NCK2: variants seen among roughly 807,000 people sequenced by gnomAD.
NCK2 encodes cytoplasmic protein NCK2.
NCK2 carries 16 observed loss-of-function variants against 33.9 expected under a neutral mutation model. That is an observed-to-expected ratio of 0.47 (90% CI 0.32 to 0.72). The LOEUF (loss-of-function observed/expected upper bound fraction) is 0.72. Ranked by LOEUF, NCK2 falls within the 30% of genes least tolerant of loss-of-function variation. The pLI, the probability that NCK2 is intolerant of heterozygous loss-of-function variation, is 0.03. For synonymous variants in NCK2, 273 were observed against 239.9 expected, an observed-to-expected ratio of 1.14 and a Z score of -1.27; for missense variants, 418 against 537.3, an observed-to-expected ratio of 0.78 and a Z score of 2.19.
intron 4 of NCK2, among the ~76,000 whole-genome samples, chr2:105,884,831 A>G (rs1015550740): frequency 2.0e-5 from 3 of 152,044 alleles, no homozygotes; most frequent in African/African-American, 7.3e-5. Context: ...TCTCATCTAC[A>G]ATTGTCATTT....
At chr2:105,875,368 C>T (rs558927944) in intron 3 of NCK2, among the ~76,000 whole-genome samples, 93 of 152,304 alleles carry the variant, frequency 6.1e-4, no homozygotes, top group Admixed American at 1.6e-3. Flanking sequence ...TCTCCTGCCC[C>T]GCCCAGTCCC....
chr2:105,751,704 T>C (rs966468976), intron 1 of NCK2, among the ~76,000 whole-genome samples: 2 of 152,230 alleles, frequency 1.3e-5, no homozygotes, highest in Non-Finnish European at 2.9e-5. Context: ...GCTACCCCAC[T>C]ACAGCTTTGC....
At chr2:105,756,837 T>C (rs1448334536) in intron 1 of NCK2, among the ~76,000 whole-genome samples, 1 of 152,178 alleles carries the variant, frequency 6.6e-6, no homozygotes, top group Non-Finnish European at 1.5e-5. Context: ...GGAGTTTCGC[T>C]CTTGTCACCC....
At chr2:105,853,404 A>G (rs1469747816) in intron 2 of NCK2, among the ~76,000 whole-genome samples, 4 of 152,190 alleles carry the variant, frequency 2.6e-5, no homozygotes, top group Non-Finnish European at 4.4e-5. Context: ...TTCATTTTGG[A>G]AAAATGTTAT....
chr2:105,864,343 A>G (rs963640719), intron 3 of NCK2, among the ~76,000 whole-genome samples: 13 of 152,052 alleles, frequency 8.5e-5, no homozygotes, highest in Non-Finnish European at 1.6e-4. Context: ...ACAAAAGAGA[A>G]AAGGAAGATT....
At position 105,881,370 on chromosome 2, in the gene NCK2, C is replaced by A; in HGVS notation, c.269C>A (p.Ser90Tyr). The A allele has an allele frequency of 6.2e-7, 1 of 1,608,602 alleles. No homozygotes were observed. The highest frequency in any genetic ancestry group is 8.5e-7 in the Non-Finnish European group (1 of 1,179,364). Residue 90 changes from serine (S) to tyrosine (Y), a missense_variant, in exon 4 of 5, where the codon TCC becomes TAC. Physicochemically the swap from Ser to Tyr is moderately radical, Grantham distance 144 (BLOSUM62 -2). Coordinates refer to ENST00000233154, the MANE Select transcript of NCK2 (RefSeq NM_003581.5). ...TRRKTSARDA[S>Y]PTPSTDAEYP... ...AGGAAGACCAGCGCGCGGGATGCGT[C>A]CCCCACGCCCAGCACGGACGCCGAG...
In NCK2 at chr2:105,893,122, C is replaced by T. The variant is rs769944376; in HGVS notation, c.1089C>T (p.Pro363=). 2 of 1,613,088 alleles carry T rather than the reference C, an allele frequency of 1.2e-6. No individual in the cohort carries two copies. Among genetic ancestry groups the T allele is most frequent in the African/African-American group, 1.3e-5 (1 of 75,036 alleles). Residue 363 remains proline, a synonymous_variant, in exon 5 of 5, where the codon CCC becomes CCT. Transcript: ENST00000233154. ...DELVEHYKKA[P]IFTSEHGEKL... Reference sequence around the variant, plus strand: ...TGGTGGAACACTACAAAAAGGCGCCCATCTTCACCAGCGAGCACGGGGAGA... The same window carrying T: ...TGGTGGAACACTACAAAAAGGCGCCTATCTTCACCAGCGAGCACGGGGAGA...
chr2:105,786,564 AGGTAATGCC>A (rs1325312790), intron 1 of NCK2, among the ~76,000 whole-genome samples: 5 of 152,176 alleles, frequency 3.3e-5, no homozygotes, highest in Non-Finnish European at 7.3e-5. Flanking sequence ...TAGGAAAAGG[AGGTAATGCC>A]GGCCTCGCGC....
intron 1 of NCK2, among the ~76,000 whole-genome samples, chr2:105,784,839 G>C (rs1463201978): frequency 6.6e-6 from 1 of 152,270 alleles, no homozygotes; most frequent in Middle Eastern, 3.4e-3. Context: ...TGTGTCCTCA[G>C]ATACTGACAG....
At chr2:105,774,096 T>A (rs1184177804) in intron 1 of NCK2, among the ~76,000 whole-genome samples, 7 of 151,388 alleles carry the variant, frequency 4.6e-5, no homozygotes, top group Non-Finnish European at 5.9e-5. Flanking sequence ...GCAACCTCTG[T>A]CTCCCAGGTT....
chr2:105,756,368 CAT>C (rs1643429354), intron 1 of NCK2, among the ~76,000 whole-genome samples: 1 of 152,182 alleles, frequency 6.6e-6, no homozygotes, highest in Non-Finnish European at 1.5e-5. Flanking sequence ...CATCCTATCT[CAT>C]ATGGACTGAG....
At chr2:105,803,291 C>T (rs1164863954) in intron 1 of NCK2, among the ~76,000 whole-genome samples, 1 of 152,166 alleles carries the variant, frequency 6.6e-6, no homozygotes, top group Non-Finnish European at 1.5e-5. Context: ...AGTTTAGCTG[C>T]TGTTTTTTAT....
intron 2 of NCK2, among the ~76,000 whole-genome samples, chr2:105,851,330 C>T (rs1677057607): frequency 6.6e-6 from 1 of 150,840 alleles, no homozygotes; most frequent in Non-Finnish European, 1.5e-5. Context: ...GTGGCGCGAT[C>T]TCGGCTCACT....
intron 2 of NCK2, chr2:105,854,148 G>A (rs988007089): frequency 6.6e-6 from 1 of 152,204 alleles, no homozygotes; most frequent in Non-Finnish European, 1.5e-5. Flanking sequence ...AGCAATATGC[G>A]TTTAAGGTTC....
intron 3 of NCK2, 191 bp downstream of exon 3, chr2:105,855,480 G>A: frequency 1.8e-6 from 1 of 550,322 alleles, no homozygotes; most frequent in South Asian, 2.4e-5. Context: ...ATTTCCTGGA[G>A]ATTCTGGAGT....
intron 1 of NCK2, among the ~76,000 whole-genome samples, chr2:105,765,787 G>C (rs1363662112): frequency 9.8e-6 from 1 of 101,590 alleles, no homozygotes; most frequent in East Asian, 3.1e-4. Context: ...AGAATAGGGG[G>C]TGTGTGTGTG....
At position 105,893,475 on chromosome 2, in the gene NCK2, T is replaced by G. The variant is rs563739427; in HGVS notation, c.*299T>G. ...TCGTTCCCGCTCATGGAACCCCTCTTTAAAAAGACGCAGGGCACCTGTGAG... is the reference window on the plus strand; with the variant it reads ...TCGTTCCCGCTCATGGAACCCCTCTGTAAAAAGACGCAGGGCACCTGTGAG... On this transcript the variant is annotated 3_prime_UTR_variant, in exon 5 of 5. Transcript: ENST00000233154. The G allele has an allele frequency of 3.4e-5, 11 of 325,806 alleles. No individual in the cohort carries two copies. The highest frequency in any genetic ancestry group is 3.0e-4 in the South Asian group (7 of 22,974). The allele number at this position is 325,806 out of a possible 1,614,324, so 20.2% of individuals were successfully genotyped here.
chr2:105,880,652 G>A (rs554513854), intron 3 of NCK2, among the ~76,000 whole-genome samples: 1 of 152,226 alleles, frequency 6.6e-6, no homozygotes, highest in Non-Finnish European at 1.5e-5. Context: ...CCCATTCTAG[G>A]AATGAAAAAG....
chr2:105,892,916 G>A lies in NCK2; in HGVS notation c.949-66G>A, dbSNP rs1573261939. The A allele has an allele frequency of 3.0e-6, 4 of 1,350,986 alleles. No homozygotes were observed. The East Asian group carries it at 9.4e-5, about 32-fold the overall frequency. The allele number at this position is 1,350,986 out of a possible 1,614,324, so 83.7% of individuals were successfully genotyped here. On this transcript the variant is annotated intron_variant, in intron 4 of 4. Transcript: ENST00000233154. ...GTTTGGATTTAGACGCACAAGAGAT[G>A]TGGATGGATTTAGACACAGCTCCCC... is the stretch of plus-strand genomic sequence containing the variant.
Sources: allele counts gnomAD v4.1 joint callset (sites outside exome capture counted in the v4.1 genomes callset), GRCh38; gene constraint gnomAD v4.1.1; transcripts MANE v1.5; gene names NCBI Gene and HGNC (gene_info 2026-07-23, HGNC 2026-07-21).